The following PTK2B variants were observed in gnomAD, a reference collection of about 807,000 sequenced individuals.
The protein encoded by PTK2B is protein tyrosine kinase 2 beta.
A neutral mutation model predicts 142.9 loss-of-function variants in PTK2B; 71 were observed. The observed-to-expected ratio is 0.50, with a 90% CI of 0.41 to 0.61. PTK2B has a LOEUF of 0.61. Ranked by LOEUF, PTK2B falls within the 20% of genes least tolerant of loss-of-function variation. The pLI is 0.00. For synonymous variants in PTK2B, 519 were observed against 503.4 expected (o/e 1.03, Z -0.42); for missense variants, 1,105 against 1,320.4 (o/e 0.84, Z 2.53).
chr8:27,338,202 T>A (rs1323203550), intron 1 of PTK2B, among the ~76,000 whole-genome samples: 2 of 152,214 alleles, frequency 1.3e-5, no homozygotes, highest in Non-Finnish European at 2.9e-5. Context: ...CTTTACAAAG[T>A]ATTTATTTTT....
At chr8:27,365,994 C>T (rs527336203) in intron 1 of PTK2B, among the ~76,000 whole-genome samples, 97 of 152,342 alleles carry the variant, frequency 6.4e-4, no homozygotes, top group African/African-American at 2.3e-3. Flanking sequence ...GTTGACACTG[C>T]CCCAGAAACA....
intron 1 of PTK2B, among the ~76,000 whole-genome samples, chr8:27,330,014 C>T (rs1316867610): frequency 1.3e-5 from 2 of 152,036 alleles, no homozygotes; most frequent in South Asian, 4.1e-4. Context: ...TCAGAGAGGC[C>T]CCCTTCCATG....
intron 15 of PTK2B, 49 bp downstream of exon 15, chr8:27,436,397 G>A: frequency 1.9e-6 from 3 of 1,545,270 alleles, no homozygotes; most frequent in Non-Finnish European, 2.7e-6. Flanking sequence ...TGTCTGTAGG[G>A]TGAGACAGAG....
chr8:27,364,633 C>A (rs1180768800), intron 1 of PTK2B, among the ~76,000 whole-genome samples: 11 of 152,212 alleles, frequency 7.2e-5, no homozygotes, highest in Admixed American at 7.2e-4. Context: ...GTTAAGCAAG[C>A]ATTATTGACT....
intron 1 of PTK2B, among the ~76,000 whole-genome samples, chr8:27,386,633 A>G (rs149467282): frequency 4.5e-4 from 68 of 152,332 alleles, no homozygotes; most frequent in Admixed American, 1.0e-3. Context: ...TCCAATTTGC[A>G]TTAAAATGAA....
chr8:27,416,454 T>C (rs1809406221), intron 2 of PTK2B, among the ~76,000 whole-genome samples: 1 of 152,224 alleles, frequency 6.6e-6, no homozygotes, highest in African/African-American at 2.4e-5. Flanking sequence ...CAACCGTAGA[T>C]CTATATTTTT....
chr8:27,350,633 C>T (rs930406706), intron 1 of PTK2B, among the ~76,000 whole-genome samples: 2 of 152,030 alleles, frequency 1.3e-5, no homozygotes, highest in Admixed American at 1.3e-4. Flanking sequence ...AGAGGTCGGA[C>T]ATAACACAAG....
At chr8:27,375,919 G>T (rs1563231543) in intron 1 of PTK2B, among the ~76,000 whole-genome samples, 1 of 152,370 alleles carries the variant, frequency 6.6e-6, no homozygotes, top group Middle Eastern at 3.4e-3. Flanking sequence ...ATGCAATTAG[G>T]CACTTGACAC....
intron 24 of PTK2B, 114 bp downstream of exon 24, chr8:27,446,033 C>G (rs972070338): frequency 1.9e-5 from 27 of 1,452,526 alleles, no homozygotes; most frequent in Non-Finnish European, 2.5e-5. Context: ...TTCCTGTTCC[C>G]ATGCACCAGT....
intron 2 of PTK2B, among the ~76,000 whole-genome samples, chr8:27,409,142 C>T (rs62502422): frequency 3.9e-5 from 6 of 152,172 alleles, no homozygotes; most frequent in African/African-American, 1.4e-4. Context: ...CTCATTTTAA[C>T]TCGATTAGTC....
chr8:27,454,572 TG>T lies in PTK2B; in HGVS notation c.2776del (p.Asp926IlefsTer40). On this transcript the variant is annotated frameshift_variant, in exon 30 of 31. Transcript: ENST00000346049. LOFTEE classifies it high-confidence loss of function. ...TLRKLIGSVD[D>X]LLPSLPSSSR... is the part of the protein sequence containing the mutation. ...TGCGGAAGCTCATCGGGAGCGTGGATGATCTCCTGCCTTCCTTGCCGTCATC... is the reference window on the plus strand; with the variant it reads ...TGCGGAAGCTCATCGGGAGCGTGGATATCTCCTGCCTTCCTTGCCGTCATC... 6.2e-7 allele frequency: 1 copy of T among 1,614,176 alleles called. No individual in the cohort carries two copies. Among genetic ancestry groups the T allele is most frequent in the South Asian group, 1.1e-5 (1 of 91,086 alleles).
At chr8:27,392,128 A>C (rs1260591734) in intron 1 of PTK2B, among the ~76,000 whole-genome samples, 1 of 152,218 alleles carries the variant, frequency 6.6e-6, no homozygotes, top group Non-Finnish European at 1.5e-5. Flanking sequence ...CGAGTAGTTC[A>C]AATAATCAGA....
Position 27,348,884 on chromosome 8 carries a change from C to T in PTK2B, c.-38+23203C>T, listed in dbSNP as rs191671412. ...TCCCCCTGCATCCCAAGCCATTCCC[C>T]GCTGCCTCTTCCATTTGGAGGCTGT... On this transcript the variant is annotated intron_variant, in intron 1 of 30. Transcript: ENST00000346049. 2.2e-3 allele frequency among the ~76,000 whole-genome samples: 342 copies of T among 152,254 alleles called. 3 individuals carry two copies. The highest frequency in any genetic ancestry group is 7.2e-3 in the African/African-American group (299 of 41,536).
At chr8:27,390,328 A>T (rs1406799032) in intron 1 of PTK2B, among the ~76,000 whole-genome samples, 2 of 152,180 alleles carry the variant, frequency 1.3e-5, no homozygotes, top group African/African-American at 4.8e-5. Context: ...AGGTCAGTTT[A>T]GATTTTTTAA....
intron 5 of PTK2B, among the ~76,000 whole-genome samples, chr8:27,428,639 G>A (rs1013187307): frequency 6.6e-6 from 1 of 152,134 alleles, no homozygotes; most frequent in Non-Finnish European, 1.5e-5. Flanking sequence ...ATTGAAGGAT[G>A]TTTAGCAGTA....
chr8:27,424,880 A>C (rs909522056), intron 5 of PTK2B, among the ~76,000 whole-genome samples: 1 of 152,090 alleles, frequency 6.6e-6, no homozygotes, highest in African/African-American at 2.4e-5. Flanking sequence ...GGAAAAAAAA[A>C]AATTGTATCA....
chr8:27,311,243 G>T, upstream of PTK2B: 3 of 1,512,672 alleles, frequency 2.0e-6, no homozygotes, highest in Non-Finnish European at 2.7e-6. Context: ...CATGGCACGA[G>T]CAGCCGGCTC....
intron 2 of PTK2B, among the ~76,000 whole-genome samples, chr8:27,418,618 G>A (rs1391514701): frequency 2.0e-5 from 3 of 152,236 alleles, no homozygotes; most frequent in Non-Finnish European, 4.4e-5. Context: ...ATATCCAACA[G>A]AGATACGTCG....
chr8:27,411,193 G>T (rs367760807), intron 2 of PTK2B, among the ~76,000 whole-genome samples: 4 of 152,242 alleles, frequency 2.6e-5, no homozygotes, highest in East Asian at 3.9e-4. Flanking sequence ...CAGTGGTAGC[G>T]GTCAGGGAGC....
Sources: gnomAD v4.1 joint callset for allele counts (sites outside exome capture counted in the v4.1 genomes callset) on GRCh38, gnomAD v4.1.1 for gene constraint, MANE v1.5 for transcripts, NCBI Gene and HGNC (gene_info 2026-07-23, HGNC 2026-07-21) for gene names.